MTMR12: variants seen among roughly 807,000 people sequenced by gnomAD.
MTMR12 encodes myotubularin-related protein 12.
A neutral mutation model predicts 96.7 loss-of-function variants in MTMR12; 33 were observed. That is an observed-to-expected ratio of 0.34 (90% CI 0.26 to 0.46). MTMR12 has a LOEUF of 0.46. MTMR12 is among the 20% of genes least tolerant of loss of function. The pLI is 1.00. For synonymous variants in MTMR12, 298 were observed against 327.2 expected (o/e 0.91, Z 0.96); for missense variants, 721 against 896.1 (o/e 0.80, Z 2.49).
At chr5:32,271,041 T>G (rs1749813137) in intron 4 of MTMR12, 94 bp from the exon 5 acceptor site, 2 of 1,358,168 alleles carry the variant, frequency 1.5e-6, no homozygotes, top group Admixed American at 2.2e-5. Context: ...CTTCTAGGGA[T>G]ACTTCCCAAG....
chr5:32,283,505 A>G (rs1168426483), intron 1 of MTMR12, among the ~76,000 whole-genome samples: 1 of 152,212 alleles, frequency 6.6e-6, no homozygotes, highest in Non-Finnish European at 1.5e-5. Context: ...ACAGATGAAG[A>G]CACCCTGCTA....
intron 13 of MTMR12, among the ~76,000 whole-genome samples, chr5:32,236,399 T>C (rs1370951636): frequency 6.6e-6 from 1 of 152,064 alleles, no homozygotes; most frequent in Admixed American, 6.6e-5. Flanking sequence ...ATACAAAAAT[T>C]AGCTAGGCAT....
rs566217261 is a variant in MTMR12, at chr5:32,270,716, T to C, written c.489+101A>G. 5 of 1,319,126 alleles carry C rather than the reference T, an allele frequency of 3.8e-6. No individual in the cohort carries two copies. In the African/African-American group the frequency reaches 4.4e-5, roughly 12 times the overall value. The allele number at this position is 1,319,126 out of a possible 1,614,324, so 81.7% of individuals were successfully genotyped here. ...TACAACCAATTTCAAGTTCACAGAG[T>C]GAAAGCCTCCCCTCAACCTTCATGC... On this transcript the variant is annotated intron_variant, in intron 5 of 15. Coordinates refer to ENST00000382142, the MANE Select transcript of MTMR12 (RefSeq NM_001040446.3).
At chr5:32,292,826 A>G (rs184932006) in intron 1 of MTMR12, among the ~76,000 whole-genome samples, 1 of 152,376 alleles carries the variant, frequency 6.6e-6, no homozygotes, top group Non-Finnish European at 1.5e-5. Context: ...GTAGTAGAAG[A>G]AGGCAGTCAT....
chr5:32,258,566 A>G (rs1023415464), intron 7 of MTMR12, among the ~76,000 whole-genome samples: 3 of 152,204 alleles, frequency 2.0e-5, no homozygotes, highest in African/African-American at 7.2e-5. Flanking sequence ...ATGACCTGGA[A>G]GCTGATGAGG....
chr5:32,259,467 C>T (rs1749273439), intron 7 of MTMR12, among the ~76,000 whole-genome samples: 1 of 152,194 alleles, frequency 6.6e-6, no homozygotes, highest in Non-Finnish European at 1.5e-5. Flanking sequence ...GACGCAGGTC[C>T]CCCTCTAAAT....
intron 8 of MTMR12, among the ~76,000 whole-genome samples, chr5:32,253,639 C>A (rs1479423419): frequency 6.6e-5 from 10 of 152,284 alleles, no homozygotes; most frequent in African/African-American, 2.4e-4. Context: ...TCTTTTCTTT[C>A]TGAGACAGAG....
intron 1 of MTMR12, among the ~76,000 whole-genome samples, chr5:32,283,994 G>C (rs528472462): frequency 2.0e-4 from 30 of 152,192 alleles, no homozygotes; most frequent in African/African-American, 6.7e-4. Context: ...AGCAATTCTT[G>C]CTTCCTTTCA....
At chr5:32,266,342 A>C (rs2112069648) in intron 6 of MTMR12, among the ~76,000 whole-genome samples, 1 of 152,338 alleles carries the variant, frequency 6.6e-6, no homozygotes, top group East Asian at 1.9e-4. Context: ...ATAGTGACAA[A>C]GCAACTCTGC....
chr5:32,273,208 T>G (rs1490344175), intron 3 of MTMR12, among the ~76,000 whole-genome samples: 1 of 152,116 alleles, frequency 6.6e-6, no homozygotes, highest in Non-Finnish European at 1.5e-5. Context: ...GAGACCAGCA[T>G]GGGCAACATG....
rs1352600626 is a variant in MTMR12, at chr5:32,270,891, G to A, written c.415C>T (p.Leu139Phe). The A allele has an allele frequency of 6.2e-7, 1 of 1,613,950 alleles. No individual in the cohort carries two copies. The highest frequency in any genetic ancestry group is 1.7e-5 in the Admixed American group (1 of 60,008). The change falls in exon 5 of 16, where the codon CTC (leucine) becomes TTC (phenylalanine). Residue 139 changes from leucine (L) to phenylalanine (F), a missense_variant. By Grantham distance (22) the Leu-to-Phe change is conservative. Coordinates refer to ENST00000382142, the MANE Select transcript of MTMR12 (RefSeq NM_001040446.3). The part of the protein sequence containing the change: ...FGQLKKYPEK[L>F]IIHCKDLRVF... The stretch of plus-strand genomic sequence containing the variant: ...CGAAGGTCTTTGCAGTGGATGATGA[G>A]CTTCTCAGGGTATTTCTTCAGTTGT...
At chr5:32,307,133 T>C (rs969038563) in intron 1 of MTMR12, among the ~76,000 whole-genome samples, 2 of 152,210 alleles carry the variant, frequency 1.3e-5, no homozygotes, top group African/African-American at 2.4e-5. Context: ...TACACATATA[T>C]CTGCTTGAAG....
chr5:32,263,123 CT>C lies in MTMR12; in HGVS notation c.702del (p.Val235SerfsTer42). On this transcript the variant is annotated frameshift_variant, in exon 7 of 16. Coordinates refer to ENST00000382142, the MANE Select transcript of MTMR12 (RefSeq NM_001040446.3). LOFTEE classifies it high-confidence loss of function. ...YKAVSVNEGY[K>X]VCERLPAYFV... Reference sequence around the variant, plus strand: ...GCATGGAAAGCTTACCTCTCACAGACTTTATAGCCTTCGTTGACACTCACTG... The same window carrying C: ...GCATGGAAAGCTTACCTCTCACAGACTTATAGCCTTCGTTGACACTCACTG... 1.9e-6 allele frequency: 3 copies of C among 1,614,198 alleles called. No homozygotes were observed. Among genetic ancestry groups the C allele is most frequent in the Non-Finnish European group, 2.5e-6 (3 of 1,180,034 alleles).
At chr5:32,245,685 G>A (rs551490014) in intron 10 of MTMR12, among the ~76,000 whole-genome samples, 9 of 152,142 alleles carry the variant, frequency 5.9e-5, no homozygotes, top group Middle Eastern at 3.4e-3. Context: ...AATATTAGCC[G>A]GGTGTGGTGG....
At chr5:32,248,161 C>A in intron 9 of MTMR12, 35 bp from the exon 10 acceptor site, 1 of 1,598,686 alleles carries the variant, frequency 6.3e-7, no homozygotes, top group Non-Finnish European at 8.6e-7. Context: ...ATTAGAAGAG[C>A]AAACTCAAAT....
chr5:32,230,078 T>C lies in MTMR12; in HGVS notation c.1944A>G (p.Pro648=), dbSNP rs768013988. The C allele has an allele frequency of 6.8e-6, 11 of 1,612,862 alleles. No homozygotes were observed. Among genetic ancestry groups the C allele is most frequent in the African/African-American group, 1.3e-5 (1 of 74,888 alleles). The change falls in exon 16 of 16, where the codon CCA becomes CCG. Residue 648 remains proline (P), a synonymous_variant. Coordinates refer to ENST00000382142, the MANE Select transcript of MTMR12 (RefSeq NM_001040446.3). ...GGCCACCACCTAGGATTTGGGCTTC[T>C]GGAATCCAACGTAGGTAGCGCTGGG... ...VWAQRYLRWI[P]EAQILGGGQV...
intron 2 of MTMR12, among the ~76,000 whole-genome samples, chr5:32,274,398 A>G (rs1749968773): frequency 1.3e-5 from 2 of 152,096 alleles, no homozygotes; most frequent in African/African-American, 4.8e-5. Context: ...GGAAATTTCC[A>G]AATAGGTACT....
chr5:32,268,226 A>G lies in MTMR12; in HGVS notation c.583+475T>C, dbSNP rs556605555. 1.6e-4 allele frequency among the ~76,000 whole-genome samples: 24 copies of G among 152,258 alleles called. 1 individual carries two copies. In the Middle Eastern group the frequency reaches 0.014, roughly 87 times the overall value. ...AAGAAGGTAAACAAAGATCACAGGA[A>G]GCCTGGCCCAGTGGCTCACACCTGT... On this transcript the variant is annotated intron_variant, in intron 6 of 15. Transcript: ENST00000382142.
intron 1 of MTMR12, among the ~76,000 whole-genome samples, chr5:32,278,263 A>T (rs1750136409): frequency 6.6e-6 from 1 of 152,258 alleles, no homozygotes; most frequent in Non-Finnish European, 1.5e-5. Flanking sequence ...CAGCCAATGT[A>T]TCAGAAACAC....
Sources: allele counts gnomAD v4.1 joint callset (sites outside exome capture counted in the v4.1 genomes callset), GRCh38; gene constraint gnomAD v4.1.1; transcripts MANE v1.5; gene names NCBI Gene and HGNC (gene_info 2026-07-23, HGNC 2026-07-21).